The following AREL1 variants were observed in gnomAD, a reference collection of about 807,000 sequenced individuals.
The protein encoded by AREL1 is apoptosis resistant E3 ubiquitin protein ligase 1, also known as apoptosis-resistant E3 ubiquitin protein ligase 1.
AREL1 carries 62 observed loss-of-function variants against 99.0 expected under a neutral mutation model. The observed-to-expected ratio is 0.63, with a 90% CI of 0.51 to 0.77. The LOEUF (loss-of-function observed/expected upper bound fraction) is 0.77, where lower values mean the gene tolerates loss of function less well. Ranked by LOEUF, AREL1 falls within the 30% of genes least tolerant of loss-of-function variation. AREL1 has a pLI of 0.00. For missense variants in AREL1, 879 were observed against 1,027.6 expected, an observed-to-expected ratio of 0.86 and a Z score of 1.98; for synonymous variants, 380 against 376.5, an observed-to-expected ratio of 1.01 and a Z score of -0.11.
chr14:74,672,898 T>G lies in AREL1; in HGVS notation c.1355A>C (p.Gln452Pro). The G allele has an allele frequency of 6.2e-7, 1 of 1,614,226 alleles. No individual in the cohort carries two copies. Among genetic ancestry groups the G allele is most frequent in the Non-Finnish European group, 8.5e-7 (1 of 1,180,030 alleles). ...KVNFFQRELRQVHMKRPHSKV... is the reference protein window; with the variant it reads ...KVNFFQRELRPVHMKRPHSKV... ...GGAATGTGGTCTTTTCATATGTACCTGCCGAAGCTCTCGCTGGAAAAAGTT... is the reference window on the plus strand; with the variant it reads ...GGAATGTGGTCTTTTCATATGTACCGGCCGAAGCTCTCGCTGGAAAAAGTT... Residue 452 changes from glutamine (Q) to proline (P), a missense_variant, in exon 11 of 20, where the codon CAG (glutamine) becomes CCG (proline). Gln to Pro is a moderately conservative substitution (Grantham distance 76). Transcript: ENST00000356357.
chr14:74,670,083 A>G lies in AREL1; in HGVS notation c.1652T>C (p.Met551Thr). Residue 551 changes from methionine to threonine, a missense_variant, in exon 14 of 20, where the codon ATG becomes ACG. Transcript: ENST00000356357. ...CACGAGCCGTCCCGCAAACTCATACATTTTCAGGCGCAGATGAGCGGGGCG... is the reference window on the plus strand; with the variant it reads ...CACGAGCCGTCCCGCAAACTCATACGTTTTCAGGCGCAGATGAGCGGGGCG... ...PNRPAHLRLK[M>T]YEFAGRLVGK... 6.2e-7 allele frequency: 1 copy of G among 1,613,526 alleles called. No homozygotes were observed. Among genetic ancestry groups the G allele is most frequent in the East Asian group, 2.2e-5 (1 of 44,858 alleles).
intron 4 of AREL1, among the ~76,000 whole-genome samples, chr14:74,684,213 T>C (rs538681563): frequency 6.6e-6 from 1 of 152,344 alleles, no homozygotes; most frequent in East Asian, 1.9e-4. Context: ...CTTACTCTTT[T>C]CTGTAATATT....
chr14:74,663,774 G>A lies in AREL1; in HGVS notation c.2418C>T (p.His806=). ...CGCTGATGGCCAGCTGCAGCATCCTGTGCACCTCTTCATAGGAGTCATATG... is the reference window on the plus strand; with the variant it reads ...CGCTGATGGCCAGCTGCAGCATCCTATGCACCTCTTCATAGGAGTCATATG... The part of the protein sequence containing the change: ...LPTYDSYEEV[H]RMLQLAISEG... The change falls in exon 20 of 20, where the codon CAC becomes CAT. Residue 806 remains histidine, a synonymous_variant. Coordinates refer to ENST00000356357, the MANE Select transcript of AREL1 (RefSeq NM_001039479.2). 2 of 1,614,184 alleles carry A rather than the reference G, an allele frequency of 1.2e-6. No homozygotes were observed. The highest frequency in any genetic ancestry group is 1.7e-6 in the Non-Finnish European group (2 of 1,180,014).
In AREL1 at chr14:74,697,155, T is replaced by TAC. The variant is rs112999456; in HGVS notation, c.-333-4829_-333-4828dup. 3.2e-3 allele frequency among the ~76,000 whole-genome samples: 467 copies of TAC among 147,430 alleles called. 3 individuals are homozygous for TAC. Among genetic ancestry groups the TAC allele is most frequent in the African/African-American group, 5.6e-3 (227 of 40,432 alleles). On this transcript the variant is annotated intron_variant, in intron 1 of 19. Coordinates refer to ENST00000356357, the MANE Select transcript of AREL1 (RefSeq NM_001039479.2). Reference sequence around the variant, plus strand: ...ACAGAGAGAGAGATCCTGTCACACATACACACACACACACACACACAGCCA... The same window carrying TAC: ...ACAGAGAGAGAGATCCTGTCACACATACACACACACACACACACACACAGCCA...
intron 17 of AREL1, among the ~76,000 whole-genome samples, chr14:74,665,460 A>AAC (rs377707918): frequency 6.6e-6 from 1 of 151,924 alleles, no homozygotes; most frequent in Non-Finnish European, 1.5e-5. Flanking sequence ...CAAAGGACAA[A>AAC]ACACACACAC....
Position 74,687,984 on chromosome 14 carries a change from C to T in AREL1, c.-45-2324G>A, listed in dbSNP as rs183158279. On this transcript the variant is annotated intron_variant, in intron 2 of 19. Transcript: ENST00000356357. ...TACAATAAAGGGTTAAAAACTCATCCTAAAATAATTCGTCCAACAAATACT... is the reference window on the plus strand; with the variant it reads ...TACAATAAAGGGTTAAAAACTCATCTTAAAATAATTCGTCCAACAAATACT... 2.0e-4 allele frequency among the ~76,000 whole-genome samples: 30 copies of T among 148,716 alleles called. No homozygotes were observed. In the East Asian group the frequency reaches 3.5e-3, roughly 18 times the overall value.
At chr14:74,684,338 C>A in intron 4 of AREL1, 116 bp downstream of exon 4, 7 of 876,532 alleles carry the variant, frequency 8.0e-6, no homozygotes, top group Middle Eastern at 3.3e-4. Flanking sequence ...TTCACTAGTT[C>A]CTGGAGGGAG....
chr14:74,712,953 C>A lies in AREL1; in HGVS notation c.-354G>T. ...GTTACCCGAGCCGGGGGTTGCAGCG[C>A]GACGAAGTTCCACCTCCGCTGTCCT... is the stretch of plus-strand genomic sequence containing the variant. On this transcript the variant is annotated 5_prime_UTR_variant, in exon 1 of 20. Coordinates refer to ENST00000356357, the MANE Select transcript of AREL1 (RefSeq NM_001039479.2). 1.4e-6 allele frequency: 1 copy of A among 704,062 alleles called. No homozygotes were observed. Among genetic ancestry groups the A allele is most frequent in the Non-Finnish European group, 2.6e-6 (1 of 388,856 alleles). 43.6% of individuals were successfully genotyped at this position (704,062 alleles called of 1,614,324 possible). A position where few individuals can be genotyped will look rare whatever the true frequency, so the allele number is the denominator to read the frequency against.
At chr14:74,667,266 T>C (rs2089228779) in intron 17 of AREL1, 53 bp downstream of exon 17, 17 of 1,608,864 alleles carry the variant, frequency 1.1e-5, no homozygotes, top group Non-Finnish European at 1.1e-5. Context: ...CTGGTTCCTG[T>C]AAGCTACAAA....
At position 74,713,080 on chromosome 14, in the gene AREL1, T is replaced by C. The variant is rs2090351239; in HGVS notation, c.-481A>G. ...CGGCCTGGGAACCGGCTCGGGGGAT[T>C]GCCCTTTCCCCAAGGAGTTTCCGCT... is the stretch of plus-strand genomic sequence containing the variant. On this transcript the variant is annotated 5_prime_UTR_variant, in exon 1 of 20. Coordinates refer to ENST00000356357, the MANE Select transcript of AREL1 (RefSeq NM_001039479.2). The C allele has an allele frequency of 6.3e-7, 1 of 1,590,236 alleles. No homozygotes were observed. Among genetic ancestry groups the C allele is most frequent in the Non-Finnish European group, 8.6e-7 (1 of 1,158,604 alleles).
chr14:74,677,051 G>A (rs927863728), intron 5 of AREL1, among the ~76,000 whole-genome samples: 2 of 151,784 alleles, frequency 1.3e-5, no homozygotes, highest in Non-Finnish European at 2.9e-5. Context: ...CGCCCGCCTT[G>A]GCCTCCCAAA....
At chr14:74,687,662 T>G (rs950377631) in intron 2 of AREL1, among the ~76,000 whole-genome samples, 1 of 152,208 alleles carries the variant, frequency 6.6e-6, no homozygotes, top group African/African-American at 2.4e-5. Flanking sequence ...TTTCCTTATA[T>G]GTACCTCACG....
Position 74,689,587 on chromosome 14 carries a change from C to CTTTTTTTTTTTTTTTTTTTTTTT in AREL1, c.-46+2453_-46+2454insAAAAAAAAAAAAAAAAAAAAAAA, listed in dbSNP as rs1185444870. ...CATTGTTTTTATTTATCTTATAGCA[C>CTTTTTTTTTTTTTTTTTTTTTTT]TTTTCTTTTTTTTTTTTTTTTTTTT... is the stretch of plus-strand genomic sequence containing the variant. On this transcript the variant is annotated intron_variant, in intron 2 of 19. Transcript: ENST00000356357. Among the ~76,000 whole-genome samples, 6 of 113,714 alleles carry CTTTTTTTTTTTTTTTTTTTTTTT rather than the reference C, an allele frequency of 5.3e-5. 3 individuals are homozygous for CTTTTTTTTTTTTTTTTTTTTTTT. The highest frequency in any genetic ancestry group is 7.9e-5 in the Non-Finnish European group (4 of 50,804). 74.6% of individuals were successfully genotyped at this position (113,714 alleles called of 152,430 possible).
rs1003390962 is a variant in AREL1 at position 74,662,692 on chromosome 14, C to T, written c.*1028G>A. 13 of 398,326 alleles carry T rather than the reference C, an allele frequency of 3.3e-5. No homozygotes were observed. The highest frequency in any genetic ancestry group is 2.3e-4 in the African/African-American group (11 of 48,602). The allele number at this position is 398,326 out of a possible 1,614,324, so 24.7% of individuals were successfully genotyped here. On this transcript the variant is annotated 3_prime_UTR_variant, in exon 20 of 20. Coordinates refer to ENST00000356357, the MANE Select transcript of AREL1 (RefSeq NM_001039479.2). The stretch of plus-strand genomic sequence containing the variant: ...TGACGCCAAGGACCTGTGATAAGCA[C>T]GTAAACTCCTAGTCCCTGTTCCTTT...
chr14:74,696,965 AAAAAT>A (rs1466471485), intron 1 of AREL1, among the ~76,000 whole-genome samples: 1 of 152,148 alleles, frequency 6.6e-6, no homozygotes, highest in Non-Finnish European at 1.5e-5. Context: ...CTTCGTCTCA[AAAAAT>A]AAAATAAAAT....
At chr14:74,676,853 G>C in intron 5 of AREL1, 101 bp from the exon 6 acceptor site, 1 of 985,928 alleles carries the variant, frequency 1.0e-6, no homozygotes, top group South Asian at 2.6e-5. Context: ...CTGGAGTGCA[G>C]TGGCGCAATC....
At chr14:74,695,223 G>T (rs1365470046) in intron 1 of AREL1, among the ~76,000 whole-genome samples, 1 of 151,720 alleles carries the variant, frequency 6.6e-6, no homozygotes, top group South Asian at 2.1e-4. Context: ...GGGACTACAG[G>T]TGCGTACTAC....
intron 5 of AREL1, among the ~76,000 whole-genome samples, chr14:74,681,958 A>G (rs2089640178): frequency 6.6e-6 from 1 of 152,156 alleles, no homozygotes; most frequent in Non-Finnish European, 1.5e-5. Flanking sequence ...AACTGGGAAA[A>G]GGGTACACCA....
chr14:74,676,086 C>T (rs1443657551), intron 7 of AREL1, 55 bp downstream of exon 7: 1 of 1,581,180 alleles, frequency 6.3e-7, no homozygotes, highest in Non-Finnish European at 8.6e-7. Flanking sequence ...AGAGTGCAAA[C>T]AGGCAAAGAA....
Sources: allele counts gnomAD v4.1 joint callset (sites outside exome capture counted in the v4.1 genomes callset), GRCh38; gene constraint gnomAD v4.1.1; transcripts MANE v1.5; gene names NCBI Gene and HGNC (gene_info 2026-07-23, HGNC 2026-07-21).